Variants in CCSER2 observed in about 807,000 individuals in gnomAD.
The protein encoded by CCSER2 is coiled-coil serine rich protein 2, also known as serine-rich coiled-coil domain-containing protein 2.
Under a neutral mutation model 92.3 loss-of-function variants are expected in CCSER2, and 46 were observed. That is an observed-to-expected ratio of 0.50 (90% CI 0.39 to 0.64). CCSER2 has a LOEUF of 0.64. Ranked by LOEUF, CCSER2 falls within the 30% of genes least tolerant of loss-of-function variation. CCSER2 has a pLI of 0.00. For synonymous variants in CCSER2, 433 were observed against 431.4 expected (o/e 1.00, Z -0.04); for missense variants, 1,244 against 1,238.9 (o/e 1.00, Z -0.06).
chr10:84,363,814 A>C (rs1358479927), intron 1 of CCSER2, among the ~76,000 whole-genome samples: 1 of 152,178 alleles, frequency 6.6e-6, no homozygotes, highest in Non-Finnish European at 1.5e-5. Context: ...TACAGGCAGC[A>C]TCGCTTAACG....
intron 2 of CCSER2, 38 bp downstream of exon 2, chr10:84,372,507 T>C (rs1846118755): frequency 8.7e-7 from 1 of 1,144,762 alleles, no homozygotes; most frequent in Non-Finnish European, 1.2e-6. Flanking sequence ...TGCTTTCTTT[T>C]AAATAATATA....
At chr10:84,461,944 C>T (rs1846125303) in intron 6 of CCSER2, among the ~76,000 whole-genome samples, 1 of 152,106 alleles carries the variant, frequency 6.6e-6, no homozygotes, top group African/African-American at 2.4e-5. Context: ...AACAGGCAAA[C>T]AATGTGGTTG....
At chr10:84,440,004 C>T (rs1240651831) in intron 6 of CCSER2, among the ~76,000 whole-genome samples, 1 of 152,002 alleles carries the variant, frequency 6.6e-6, no homozygotes, top group African/African-American at 2.4e-5. Flanking sequence ...CTAGCTGTAC[C>T]ACGTACCATC....
At chr10:84,404,666 T>TA (rs201362664) in intron 3 of CCSER2, among the ~76,000 whole-genome samples, 118 of 152,002 alleles carry the variant, frequency 7.8e-4, no homozygotes, top group African/African-American at 2.7e-3. Flanking sequence ...AAGTTTGACT[T>TA]AAAAAAAACA....
At chr10:84,379,507 T>C (rs905281765) in intron 3 of CCSER2, among the ~76,000 whole-genome samples, 7 of 152,146 alleles carry the variant, frequency 4.6e-5, no homozygotes, top group Non-Finnish European at 1.0e-4. Flanking sequence ...TTTTTAGCCT[T>C]TCTCCCTTCT....
At chr10:84,347,565 C>T (rs1178381399) in intron 1 of CCSER2, among the ~76,000 whole-genome samples, 3 of 151,598 alleles carry the variant, frequency 2.0e-5, no homozygotes, top group East Asian at 3.9e-4. Context: ...CCTCCCACCT[C>T]CCTCGCGGAC....
At position 84,409,187 on chromosome 10, in the gene CCSER2, C is replaced by T. The variant is rs575187837; in HGVS notation, c.1615-8584C>T. On this transcript the variant is annotated intron_variant, in intron 3 of 9. Transcript: ENST00000372088. Reference sequence around the variant, plus strand: ...TGTATTTTTAATAAAGACGGAGTTTCACCATGTTGGCCAGGGTGGTCTTGA... The same window carrying T: ...TGTATTTTTAATAAAGACGGAGTTTTACCATGTTGGCCAGGGTGGTCTTGA... Among the ~76,000 whole-genome samples, 3 of 152,166 alleles carry T rather than the reference C, an allele frequency of 2.0e-5. No individual in the cohort carries two copies. The South Asian group carries it at 6.2e-4, about 32-fold the overall frequency.
At chr10:84,418,076 A>G (rs991699441) in intron 4 of CCSER2, among the ~76,000 whole-genome samples, 1 of 152,220 alleles carries the variant, frequency 6.6e-6, no homozygotes, top group Admixed American at 6.5e-5. Context: ...CTATCATCCA[A>G]TAACATTGTA....
intron 6 of CCSER2, among the ~76,000 whole-genome samples, chr10:84,449,386 CAGAAT>C (rs1373613579): frequency 6.6e-6 from 1 of 151,788 alleles, no homozygotes; most frequent in African/African-American, 2.4e-5. Flanking sequence ...AGAAAAAAAT[CAGAAT>C]AGACAATTCC....
chr10:84,407,177 C>G (rs1313080451), intron 3 of CCSER2, among the ~76,000 whole-genome samples: 1 of 152,146 alleles, frequency 6.6e-6, no homozygotes, highest in African/African-American at 2.4e-5. Context: ...TTGAATTTGT[C>G]TTCTCAAAGA....
At chr10:84,432,262 T>C (rs1437786382) in intron 5 of CCSER2, among the ~76,000 whole-genome samples, 1 of 152,220 alleles carries the variant, frequency 6.6e-6, no homozygotes, top group African/African-American at 2.4e-5. Flanking sequence ...TTTCAACTTT[T>C]ACTTTAGATT....
intron 6 of CCSER2, among the ~76,000 whole-genome samples, chr10:84,439,198 C>CTT (rs10654679): frequency 0.026 from 3,578 of 139,710 alleles, 147 homozygotes; most frequent in African/African-American, 0.086. Context: ...TTTTTCTTTT[C>CTT]TTTTTTTTTT....
chr10:84,457,362 TATTTTAAA>T (rs1251331435), intron 6 of CCSER2, among the ~76,000 whole-genome samples: 1,283 of 32,348 alleles, frequency 0.04, 20 homozygotes, highest in Non-Finnish European at 0.084. Flanking sequence ...TATATATATT[TATTTTAAA>T]TATATATTTT....
intron 1 of CCSER2, among the ~76,000 whole-genome samples, chr10:84,359,202 G>A (rs1045643266): frequency 7.2e-5 from 11 of 152,088 alleles, no homozygotes; most frequent in South Asian, 2.1e-4. Flanking sequence ...AGTTAATTCA[G>A]GCATTACTGT....
intron 1 of CCSER2, among the ~76,000 whole-genome samples, chr10:84,369,251 A>G (rs756135417): frequency 2.0e-5 from 3 of 151,942 alleles, no homozygotes; most frequent in African/African-American, 2.4e-5. Context: ...ACTGTTTCCC[A>G]TAGAGGTAGT....
chr10:84,436,125 C>T (rs991574761), intron 5 of CCSER2, among the ~76,000 whole-genome samples: 3 of 151,200 alleles, frequency 2.0e-5, no homozygotes, highest in East Asian at 1.9e-4. Context: ...GTCAGGAGAT[C>T]GAGACCACCC....
At chr10:84,358,470 C>T (rs143627539) in intron 1 of CCSER2, among the ~76,000 whole-genome samples, 15 of 152,006 alleles carry the variant, frequency 9.9e-5, no homozygotes, top group African/African-American at 3.6e-4. Flanking sequence ...TAATGTTCCT[C>T]TAGCTCTGGA....
chr10:84,465,061 C>G (rs977609449), intron 7 of CCSER2, among the ~76,000 whole-genome samples: 2 of 151,990 alleles, frequency 1.3e-5, no homozygotes, highest in Admixed American at 1.3e-4. Flanking sequence ...CAACCCTGAG[C>G]TTTCATCCTA....
intron 6 of CCSER2, among the ~76,000 whole-genome samples, chr10:84,441,740 T>A (rs1373957470): frequency 0.015 from 194 of 12,672 alleles, 4 homozygotes; most frequent in South Asian, 0.024. Flanking sequence ...GAAAATGTTT[T>A]TTTTTTTTTT....
Sources: allele counts gnomAD v4.1 joint callset (sites outside exome capture counted in the v4.1 genomes callset), GRCh38; gene constraint gnomAD v4.1.1; transcripts MANE v1.5; gene names NCBI Gene and HGNC (gene_info 2026-07-23, HGNC 2026-07-21).